Variants in HIF3A observed in about 807,000 individuals in gnomAD.
HIF3A encodes hypoxia inducible factor 3 subunit alpha.
HIF3A carries 41 observed loss-of-function variants against 67.2 expected under a neutral mutation model. That is an observed-to-expected ratio of 0.61 (90% confidence interval 0.48 to 0.79). The LOEUF is 0.79. HIF3A is among the 30% of genes least tolerant of loss of function. HIF3A has a pLI of 0.00. For synonymous variants in HIF3A, 356 were observed against 374.8 expected (o/e 0.95, Z 0.58); for missense variants, 855 against 898.0 (o/e 0.95, Z 0.61).
intron 8 of HIF3A, among the ~76,000 whole-genome samples, chr19:46,319,453 C>T (rs897694661): frequency 1.1e-4 from 16 of 152,070 alleles, no homozygotes; most frequent in Non-Finnish European, 1.8e-4. Context: ...ACTTGCACAG[C>T]GAGCATTTAG....
intron 9 of HIF3A, 61 bp from the exon 10 acceptor site, chr19:46,321,715 G>A (rs1054232197): frequency 6.8e-7 from 1 of 1,462,798 alleles, no homozygotes; most frequent in African/African-American, 1.4e-5. Flanking sequence ...GGTATGGAGG[G>A]CTCTGGCCCT....
chr19:46,325,658 G>A lies in HIF3A; in HGVS notation c.1440+19G>A, dbSNP rs1970731893. On this transcript the variant is annotated intron_variant, in intron 11 of 14. Coordinates refer to ENST00000377670, the MANE Select transcript of HIF3A (RefSeq NM_152795.4). The stretch of plus-strand genomic sequence containing the variant: ...AGCTCAGGTAAGGGCTGGCATGGAA[G>A]GGAGTAATCCTCAGCCCTGTGTTCT... The A allele has an allele frequency of 2.0e-6, 3 of 1,517,256 alleles. No individual in the cohort carries two copies. The highest frequency in any genetic ancestry group is 2.7e-6 in the Non-Finnish European group (3 of 1,092,964). 94.0% of individuals were successfully genotyped at this position (1,517,256 alleles called of 1,614,324 possible). A position where few individuals can be genotyped will look rare whatever the true frequency, so the allele number is the denominator to read the frequency against.
chr19:46,323,213 G>T (rs1232750667), intron 10 of HIF3A, among the ~76,000 whole-genome samples: 1 of 151,980 alleles, frequency 6.6e-6, no homozygotes. Context: ...ACCACGCCCA[G>T]TTAATTTTTT....
intron 8 of HIF3A, among the ~76,000 whole-genome samples, chr19:46,316,456 A>G (rs1969922757): frequency 6.6e-6 from 1 of 152,042 alleles, no homozygotes; most frequent in Non-Finnish European, 1.5e-5. Context: ...GAAGCTTTTC[A>G]CCATTTAGAA....
intron 1 of HIF3A, chr19:46,303,636 G>C (rs1007219315): frequency 6.3e-7 from 1 of 1,580,610 alleles, no homozygotes; most frequent in East Asian, 2.3e-5. Flanking sequence ...CCCTAGGCGC[G>C]CCACAGAGAG....
intron 1 of HIF3A, among the ~76,000 whole-genome samples, chr19:46,300,690 A>G (rs955027896): frequency 6.6e-6 from 1 of 152,118 alleles, no homozygotes; most frequent in African/African-American, 2.4e-5. Context: ...CACAGCTTGT[A>G]AGTAGTGGAG....
chr19:46,329,446 A>G lies in HIF3A; in HGVS notation c.1680A>G (p.Ser560=). 2 of 1,548,948 alleles carry G rather than the reference A, an allele frequency of 1.3e-6. No individual in the cohort carries two copies. The highest frequency in any genetic ancestry group is 1.7e-6 in the Non-Finnish European group (2 of 1,146,412). ...SCSSPSRGDP[S]ASSPMAGARK... Reference sequence around the variant, plus strand: ...CCAGCCCTTCCAGAGGGGACCCCTCAGCATCCTCTCCCATGGCTGGGGCTC... The same window carrying G: ...CCAGCCCTTCCAGAGGGGACCCCTCGGCATCCTCTCCCATGGCTGGGGCTC... The change falls in exon 12 of 15, where the codon TCA becomes TCG. Residue 560 remains serine (S), a synonymous_variant. Coordinates refer to ENST00000377670, the MANE Select transcript of HIF3A (RefSeq NM_152795.4).
At chr19:46,318,328 G>A (rs1029001197) in intron 8 of HIF3A, among the ~76,000 whole-genome samples, 1 of 151,598 alleles carries the variant, frequency 6.6e-6, no homozygotes, top group African/African-American at 2.4e-5. Context: ...AACGCTTTGG[G>A]AGGCCAAGGC....
rs746425738 is a variant in HIF3A, at chr19:46,325,597, G to A, written c.1398G>A (p.Gly466=). Residue 466 remains glycine (G), a synonymous_variant, in exon 11 of 15, where the codon GGG becomes GGA. Coordinates refer to ENST00000377670, the MANE Select transcript of HIF3A (RefSeq NM_152795.4). ...TENVHRLFTS[G]KDTEAVETDL... ...ATGTGCACAGACTCTTCACCTCCGGGAAAGACACTGAGGCAGTGGAGACAG... is the reference window on the plus strand; with the variant it reads ...ATGTGCACAGACTCTTCACCTCCGGAAAAGACACTGAGGCAGTGGAGACAG... 2 of 1,613,484 alleles carry A rather than the reference G, an allele frequency of 1.2e-6. No individual in the cohort carries two copies. Among genetic ancestry groups the A allele is most frequent in the South Asian group, 1.1e-5 (1 of 91,044 alleles).
At chr19:46,301,851 T>A (rs1194547670) in intron 1 of HIF3A, among the ~76,000 whole-genome samples, 1 of 149,246 alleles carries the variant, frequency 6.7e-6, no homozygotes, top group Non-Finnish European at 1.5e-5. Flanking sequence ...AAATTAAAAA[T>A]TAAAAAATAA....
At chr19:46,330,018 G>A (rs1971080548) in intron 12 of HIF3A, among the ~76,000 whole-genome samples, 1 of 144,704 alleles carries the variant, frequency 6.9e-6, no homozygotes, top group Non-Finnish European at 1.5e-5. Flanking sequence ...GGAAGGAAGG[G>A]AGGAAGGAAA....
rs565750313 is a variant in HIF3A, at chr19:46,342,652, A to G, written c.*3030A>G. The stretch of plus-strand genomic sequence containing the variant: ...CTCTGATTCTATAATTCAGCCTCCA[A>G]ATGCTTCTGATTCTGGAATCTAGAC... On this transcript the variant is annotated 3_prime_UTR_variant, in exon 15 of 15. Coordinates refer to ENST00000377670, the MANE Select transcript of HIF3A (RefSeq NM_152795.4). 3 of 152,156 alleles carry G rather than the reference A, an allele frequency of 2.0e-5. No homozygotes were observed. Among genetic ancestry groups the G allele is most frequent in the African/African-American group, 4.8e-5 (2 of 41,504 alleles). The allele number at this position is 152,156 out of a possible 1,614,324, so 9.4% of individuals were successfully genotyped here. A position where few individuals can be genotyped will look rare whatever the true frequency, so the allele number is the denominator to read the frequency against.
At chr19:46,328,830 C>T (rs1055934454) in intron 11 of HIF3A, among the ~76,000 whole-genome samples, 3 of 152,116 alleles carry the variant, frequency 2.0e-5, no homozygotes, top group Non-Finnish European at 4.4e-5. Flanking sequence ...AAACAATCCT[C>T]CCACCTCAGC....
At chr19:46,331,047 A>C in intron 12 of HIF3A, 109 bp from the exon 13 acceptor site, 1 of 728,296 alleles carries the variant, frequency 1.4e-6, no homozygotes, top group East Asian at 2.5e-5. Context: ...TGACTAAAGG[A>C]ATAAATAGGT....
chr19:46,328,103 G>A (rs567160851), intron 11 of HIF3A, among the ~76,000 whole-genome samples: 206 of 152,316 alleles, frequency 1.4e-3, no homozygotes, highest in Middle Eastern at 0.01. Context: ...GATTTTGTGC[G>A]GGCCAAAGCC....
chr19:46,297,142 GC>G lies in HIF3A; in HGVS notation c.26+41del. The G allele has an allele frequency of 1.4e-6, 1 of 727,610 alleles. No individual in the cohort carries two copies. The highest frequency in any genetic ancestry group is 1.9e-6 in the Non-Finnish European group (1 of 534,264). The allele number at this position is 727,610 out of a possible 1,614,324, so 45.1% of individuals were successfully genotyped here. On this transcript the variant is annotated intron_variant, in intron 1 of 14. Transcript: ENST00000377670. This position sits in a 1 kb window ranked among gnomAD's most constrained non-coding sequence, Gnocchi z 4.5. Reference sequence around the variant, plus strand: ...GGGCAGGAGTTCTGGGAATTGGGGGGCTCTCCTCCTGGAGACCCCTGAGCTG... The same window carrying G: ...GGGCAGGAGTTCTGGGAATTGGGGGGTCTCCTCCTGGAGACCCCTGAGCTG...
At chr19:46,308,868 T>G (rs572562377) in intron 5 of HIF3A, 93 bp downstream of exon 5, 46 of 918,058 alleles carry the variant, frequency 5.0e-5, no homozygotes, top group Admixed American at 9.5e-5. Context: ...AGGCATCTCC[T>G]AGGCTGGGGA....
At chr19:46,338,956 A>G (rs1971817262) in intron 14 of HIF3A, among the ~76,000 whole-genome samples, 1 of 152,184 alleles carries the variant, frequency 6.6e-6, no homozygotes, top group Non-Finnish European at 1.5e-5. Flanking sequence ...GGTGTGGGAT[A>G]TGATGAGGTT....
chr19:46,321,707 T>G, intron 9 of HIF3A, 69 bp from the exon 10 acceptor site: 2 of 1,366,990 alleles, frequency 1.5e-6, no homozygotes, highest in Non-Finnish European at 2.0e-6. Context: ...CTGGGGTTGG[T>G]ATGGAGGGCT....
Sources: gnomAD v4.1 joint callset for allele counts (sites outside exome capture counted in the v4.1 genomes callset) on GRCh38, gnomAD v4.1.1 for gene constraint, Gnocchi (gnomAD v3.1) non-coding constraint, MANE v1.5 for transcripts, NCBI Gene and HGNC (gene_info 2026-07-23, HGNC 2026-07-21) for gene names.